CYB5R3: variants seen among roughly 807,000 people sequenced by gnomAD.
CYB5R3 encodes NADH-cytochrome b5 reductase 3.
A neutral mutation model predicts 36.5 loss-of-function variants in CYB5R3; 28 were observed. The ratio of observed to expected loss-of-function variants is 0.77; its 90% CI spans 0.57 to 1.05. The LOEUF (loss-of-function observed/expected upper bound fraction) is 1.05, where lower values mean the gene tolerates loss of function less well. Ranked by LOEUF, CYB5R3 falls within the 50% of genes least tolerant of loss-of-function variation. CYB5R3 has a pLI of 0.00. For synonymous variants in CYB5R3, 181 were observed against 159.8 expected (o/e 1.13, Z -1.00); for missense variants, 474 against 408.9 (o/e 1.16, Z -1.37).
intron 2 of CYB5R3, chr22:42,632,586 C>G (rs1928677763): frequency 6.6e-6 from 1 of 152,354 alleles, no homozygotes; most frequent in East Asian, 1.9e-4. Context: ...CCAGGCAGCC[C>G]AGGCCTCAAA....
chr22:42,631,104 G>A, intron 3 of CYB5R3, 116 bp from the exon 4 acceptor site: 2 of 987,492 alleles, frequency 2.0e-6, no homozygotes, highest in Non-Finnish European at 3.1e-6. Flanking sequence ...CCTGGCGTCA[G>A]CTCCCACGGC....
Position 42,644,502 on chromosome 22 carries a change from C to G in CYB5R3, c.21+4793G>C, listed in dbSNP as rs1393105353. ...CTGCATGCATCCAACCAGCAAACTC[C>G]TATTCATTCCTCAGAGCCTAGCTCA... On this transcript the variant is annotated intron_variant, in intron 1 of 8. Coordinates refer to ENST00000352397, the MANE Select transcript of CYB5R3 (RefSeq NM_000398.7). 3 of 1,265,616 alleles carry G rather than the reference C, an allele frequency of 2.4e-6. No individual in the cohort carries two copies. In the Admixed American group the frequency reaches 5.9e-5, roughly 25 times the overall value. 78.4% of individuals were successfully genotyped at this position (1,265,616 alleles called of 1,614,324 possible).
chr22:42,639,506 C>T (rs1369647553), intron 1 of CYB5R3, among the ~76,000 whole-genome samples: 1 of 151,548 alleles, frequency 6.6e-6, no homozygotes, highest in East Asian at 1.9e-4. Context: ...CGGGCGTCTG[C>T]AATCCCAGCT....
intron 2 of CYB5R3, among the ~76,000 whole-genome samples, chr22:42,634,787 G>A (rs12167324): frequency 2.1e-5 from 2 of 95,956 alleles, no homozygotes; most frequent in Non-Finnish European, 4.1e-5. Flanking sequence ...CACCACGCCC[G>A]GCTAATTTTC....
intron 1 of CYB5R3, among the ~76,000 whole-genome samples, chr22:42,644,096 G>C (rs960141657): frequency 1.5e-4 from 23 of 152,074 alleles, no homozygotes; most frequent in African/African-American, 5.6e-4. Context: ...TAGATGAAGT[G>C]ACCTGCCAAG....
intron 1 of CYB5R3, among the ~76,000 whole-genome samples, chr22:42,642,804 C>T (rs1285477783): frequency 6.6e-6 from 1 of 152,210 alleles, no homozygotes; most frequent in Non-Finnish European, 1.5e-5. Context: ...ACTAGAGAGG[C>T]TGAGAAGCCA....
chr22:42,634,874 G>A (rs545020301), intron 2 of CYB5R3, among the ~76,000 whole-genome samples: 3 of 148,078 alleles, frequency 2.0e-5, no homozygotes, highest in East Asian at 2.0e-4. Flanking sequence ...ACACGATCTC[G>A]GCTCACTGCA....
intron 2 of CYB5R3, among the ~76,000 whole-genome samples, chr22:42,635,904 A>G (rs1928864905): frequency 6.6e-6 from 1 of 152,188 alleles, no homozygotes; most frequent in Admixed American, 6.5e-5. Flanking sequence ...GTTTTAAATC[A>G]TAATCAGAGC....
intron 4 of CYB5R3, among the ~76,000 whole-genome samples, chr22:42,629,222 G>C (rs979424639): frequency 1.3e-5 from 2 of 152,038 alleles, no homozygotes; most frequent in Non-Finnish European, 2.9e-5. Context: ...ACCTTACTGG[G>C]GCCTCCAAGG....
intron 5 of CYB5R3, 77 bp from the exon 6 acceptor site, chr22:42,627,765 G>A: frequency 9.0e-7 from 1 of 1,115,680 alleles, no homozygotes; most frequent in East Asian, 2.3e-5. Flanking sequence ...AGAGGGGGCT[G>A]GAGAACCTGC....
At chr22:42,641,902 G>A (rs1039773298) in intron 1 of CYB5R3, among the ~76,000 whole-genome samples, 2 of 152,122 alleles carry the variant, frequency 1.3e-5, no homozygotes, top group African/African-American at 2.4e-5. Flanking sequence ...GGGATTACAG[G>A]CATGAGCCAC....
chr22:42,621,182 T>TTGTGTGTG (rs1219788150), intron 8 of CYB5R3, among the ~76,000 whole-genome samples: 212 of 105,072 alleles, frequency 2.0e-3, no homozygotes, highest in Middle Eastern at 9.2e-3. Context: ...GATTTCTTTT[T>TTGTGTGTG]AGTGTGTGTG....
At chr22:42,628,503 G>T (rs780996875) in intron 4 of CYB5R3, among the ~76,000 whole-genome samples, 13 of 152,172 alleles carry the variant, frequency 8.5e-5, no homozygotes, top group Non-Finnish European at 1.3e-4. Flanking sequence ...CATATCCGGG[G>T]AAAGCAAACC....
At position 42,631,388 on chromosome 22, in the gene CYB5R3, G is replaced by T; in HGVS notation, c.216C>A (p.Gly72=). ...AGGGGCGTGACTCACCGACAGGGAG[G>T]CCCAGGATGTGCTGGGGTGACGGCA... The part of the protein sequence containing the change: ...FALPSPQHIL[G]LPVGQHIYLS... The change falls in exon 3 of 9, where the codon GGC becomes GGA. Residue 72 remains glycine (G), a synonymous_variant. Transcript: ENST00000352397. The T allele has an allele frequency of 6.4e-7, 1 of 1,551,572 alleles. No homozygotes were observed. The highest frequency in any genetic ancestry group is 8.7e-7 in the Non-Finnish European group (1 of 1,146,946).
chr22:42,631,409 C>G lies in CYB5R3; in HGVS notation c.195G>C (p.Pro65=). Residue 65 remains proline (P), a synonymous_variant, in exon 3 of 9, where the codon CCG becomes CCC. Coordinates refer to ENST00000352397, the MANE Select transcript of CYB5R3 (RefSeq NM_000398.7). The part of the protein sequence containing the change: ...HDTRRFRFAL[P]SPQHILGLPV... ...GGAGGCCCAGGATGTGCTGGGGTGA[C>G]GGCAGGGCAAAGCGGAAGCGCCGGG... 6.4e-7 allele frequency: 1 copy of G among 1,551,592 alleles called. No individual in the cohort carries two copies. Among genetic ancestry groups the G allele is most frequent in the Non-Finnish European group, 8.7e-7 (1 of 1,146,966 alleles).
At chr22:42,647,013 G>T in intron 1 of CYB5R3, 1 of 981,168 alleles carries the variant, frequency 1.0e-6, no homozygotes, top group Non-Finnish European at 1.2e-6. Flanking sequence ...GCCAACCCCT[G>T]GCCTGGATCC....
chr22:42,630,474 C>A (rs1214350572), intron 4 of CYB5R3, among the ~76,000 whole-genome samples: 3 of 152,226 alleles, frequency 2.0e-5, no homozygotes, highest in Non-Finnish European at 4.4e-5. Context: ...CGGGACTGCG[C>A]CGTCACACCT....
chr22:42,625,468 C>A (rs1210761293), intron 7 of CYB5R3, among the ~76,000 whole-genome samples: 1 of 152,126 alleles, frequency 6.6e-6, no homozygotes, highest in East Asian at 1.9e-4. Context: ...AGATTCACGC[C>A]ATTGCACTCC....
At chr22:42,648,749 C>A (rs942289256) in intron 1 of CYB5R3, among the ~76,000 whole-genome samples, 1 of 152,164 alleles carries the variant, frequency 6.6e-6, no homozygotes, top group African/African-American at 2.4e-5. Flanking sequence ...TTCCTTGTTG[C>A]TAAACGTGCA....
Sources: gnomAD v4.1 joint callset for allele counts (sites outside exome capture counted in the v4.1 genomes callset) on GRCh38, gnomAD v4.1.1 for gene constraint, MANE v1.5 for transcripts, NCBI Gene and HGNC (gene_info 2026-07-23, HGNC 2026-07-21) for gene names.